Variants in UNC5B observed in about 807,000 individuals in gnomAD.
UNC5B encodes unc-5 netrin receptor B.
In UNC5B, 56 loss-of-function variants were observed where a neutral mutation model predicts 103.7. That is an observed-to-expected ratio of 0.54 (90% CI 0.44 to 0.67). The LOEUF (loss-of-function observed/expected upper bound fraction) is 0.67, where lower values mean the gene tolerates loss of function less well. UNC5B is among the 30% of genes least tolerant of loss of function. The pLI is 0.00. For missense variants in UNC5B, 1,194 were observed against 1,284.5 expected (o/e 0.93, Z 1.08); for synonymous variants, 577 against 542.0 (o/e 1.06, Z -0.90).
At chr10:71,221,187 C>T (rs1843445174) in intron 1 of UNC5B, among the ~76,000 whole-genome samples, 1 of 152,188 alleles carries the variant, frequency 6.6e-6, no homozygotes, top group Non-Finnish European at 1.5e-5. Flanking sequence ...CCTCTGGGAA[C>T]TCGGTCCCTT....
In UNC5B at chr10:71,292,338, C is replaced by T. The variant is rs1282160919; in HGVS notation, c.1685-129C>T. On this transcript the variant is annotated intron_variant, in intron 10 of 16. Transcript: ENST00000335350. ...CATCCAGTCCCCAGACCCTGTCTCCCACCCCTGGCTGGGGACTACCTGGAG... is the reference window on the plus strand; with the variant it reads ...CATCCAGTCCCCAGACCCTGTCTCCTACCCCTGGCTGGGGACTACCTGGAG... 16 of 755,726 alleles carry T rather than the reference C, an allele frequency of 2.1e-5. 1 individual carries two copies. Among genetic ancestry groups the T allele is most frequent in the Non-Finnish European group, 3.1e-5 (14 of 457,996 alleles). The allele number at this position is 755,726 out of a possible 1,614,324, so 46.8% of individuals were successfully genotyped here. A position where few individuals can be genotyped will look rare whatever the true frequency, so the allele number is the denominator to read the frequency against.
At chr10:71,240,684 G>A (rs560116135) in intron 1 of UNC5B, among the ~76,000 whole-genome samples, 1 of 152,224 alleles carries the variant, frequency 6.6e-6, no homozygotes, top group Non-Finnish European at 1.5e-5. Flanking sequence ...CCCCACTGTC[G>A]CTCCACTACT....
intron 2 of UNC5B, among the ~76,000 whole-genome samples, chr10:71,280,408 CA>C (rs1308326306): frequency 1.7e-4 from 26 of 152,330 alleles, no homozygotes; most frequent in African/African-American, 6.3e-4. Flanking sequence ...GAATTCAATG[CA>C]ATCGTTATTT....
intron 11 of UNC5B, 113 bp from the exon 12 acceptor site, chr10:71,293,292 G>T: frequency 8.0e-7 from 1 of 1,249,942 alleles, no homozygotes; most frequent in South Asian, 1.6e-5. Context: ...GCCCTGAGTG[G>T]CAAAGAGCTG....
At position 71,213,728 on chromosome 10, in the gene UNC5B, A is replaced by AGAGTGTGTGTGTGTGTGTGT. The variant is rs144371231; in HGVS notation, c.79+665_79+666insAGTGTGTGTGTGTGTGTGTG. On this transcript the variant is annotated intron_variant, in intron 1 of 16. Transcript: ENST00000335350. This position sits in a 1 kb window ranked among gnomAD's most constrained non-coding sequence, Gnocchi z 4.1. ...ATTATTAATTTTCTGAGTGTTGGAGAGTGTGTGTGTGTGTGTGTGTGTGTG... is the reference window on the plus strand; with the variant it reads ...ATTATTAATTTTCTGAGTGTTGGAGAGAGTGTGTGTGTGTGTGTGTGTGTGTGTGTGTGTGTGTGTGTGTG... 1.5e-5 allele frequency among the ~76,000 whole-genome samples: 2 copies of AGAGTGTGTGTGTGTGTGTGT among 131,474 alleles called. No homozygotes were observed. Among genetic ancestry groups the AGAGTGTGTGTGTGTGTGTGT allele is most frequent in the African/African-American group, 5.8e-5 (2 of 34,208 alleles). The allele number at this position is 131,474 out of a possible 152,430, so 86.3% of individuals were successfully genotyped here.
intron 13 of UNC5B, among the ~76,000 whole-genome samples, chr10:71,295,020 T>C (rs1296620093): frequency 6.6e-6 from 1 of 152,152 alleles, no homozygotes; most frequent in Non-Finnish European, 1.5e-5. Context: ...TTCCCATGGC[T>C]CCATGCACTT....
At chr10:71,256,990 A>G (rs997698952) in intron 1 of UNC5B, among the ~76,000 whole-genome samples, 6 of 152,190 alleles carry the variant, frequency 3.9e-5, no homozygotes, top group Non-Finnish European at 5.9e-5. Flanking sequence ...GACGACAGTC[A>G]TGGTCAGGGA....
chr10:71,293,606 T>G, intron 12 of UNC5B, 33 bp downstream of exon 12: 1 of 1,612,814 alleles, frequency 6.2e-7, no homozygotes, highest in Non-Finnish European at 8.5e-7. Context: ...GGCCCAGCTC[T>G]CCCAACCTGC....
chr10:71,281,356 T>C (rs79115964), intron 2 of UNC5B, among the ~76,000 whole-genome samples: 1 of 151,920 alleles, frequency 6.6e-6, no homozygotes, highest in East Asian at 1.9e-4. Flanking sequence ...TTTTTTTTTT[T>C]TGGAGACAGA....
chr10:71,293,266 C>T lies in UNC5B; in HGVS notation c.1773-139C>T, dbSNP rs187976882. 3 of 949,318 alleles carry T rather than the reference C, an allele frequency of 3.2e-6. No individual in the cohort carries two copies. In the Admixed American group the frequency reaches 8.9e-5, roughly 28 times the overall value. 58.8% of individuals were successfully genotyped at this position (949,318 alleles called of 1,614,324 possible). ...TTCTTTGCCTCCTTTGCCCCCATGA[C>T]CTCTGGGAATGCAGAGCCCTGAGTG... On this transcript the variant is annotated intron_variant, in intron 11 of 16. Transcript: ENST00000335350.
In UNC5B at chr10:71,218,864, G is replaced by A. The variant is rs2066212; in HGVS notation, c.79+5800G>A. 9.2e-3 allele frequency among the ~76,000 whole-genome samples: 1,397 copies of A among 152,348 alleles called. 21 individuals carry two copies. The highest frequency in any genetic ancestry group is 0.031 in the African/African-American group (1,285 of 41,566). The stretch of plus-strand genomic sequence containing the variant: ...AGAGCTTGAGTGGGTGGGATCCCCA[G>A]TGGAGAACCCCATCTCAGGCTGACG... On this transcript the variant is annotated intron_variant, in intron 1 of 16. Coordinates refer to ENST00000335350, the MANE Select transcript of UNC5B (RefSeq NM_170744.5).
At chr10:71,265,991 G>A (rs1844515262) in intron 1 of UNC5B, among the ~76,000 whole-genome samples, 1 of 152,150 alleles carries the variant, frequency 6.6e-6, no homozygotes, top group Admixed American at 6.5e-5. Context: ...CAGGAGCTAA[G>A]ACTAGGGCCC....
chr10:71,287,318 TC>T lies in UNC5B; in HGVS notation c.734-277del, dbSNP rs549121780. Among the ~76,000 whole-genome samples, 524 of 152,252 alleles carry T rather than the reference TC, an allele frequency of 3.4e-3. 7 individuals carry two copies. Among genetic ancestry groups the T allele is most frequent in the African/African-American group, 0.012 (505 of 41,548 alleles). On this transcript the variant is annotated intron_variant, in intron 5 of 16. Transcript: ENST00000335350. ...GCAGGCAGTCCCAGGCCCCCATCAC[TC>T]CCAGGGTGACCCTGGGGAAGTGGCA...
chr10:71,276,886 G>GAC (rs34678649), intron 1 of UNC5B, among the ~76,000 whole-genome samples: 119,576 of 151,974 alleles, frequency 0.79, 48,392 homozygotes, highest in Non-Finnish European at 0.88. Flanking sequence ...AGGGTATAGG[G>GAC]ACAGCAAGAG....
intron 3 of UNC5B, 131 bp from the exon 4 acceptor site, chr10:71,285,195 C>G (rs1845039528): frequency 1.0e-6 from 1 of 998,828 alleles, no homozygotes; most frequent in Admixed American, 2.1e-5. Context: ...AGGAAATTTC[C>G]CAGGCAAAGG....
intron 1 of UNC5B, among the ~76,000 whole-genome samples, chr10:71,230,672 C>G (rs1467179695): frequency 2.0e-5 from 3 of 152,252 alleles, no homozygotes; most frequent in Admixed American, 1.3e-4. Flanking sequence ...CCAGCCTTCC[C>G]CATAAGGGAA....
Position 71,295,944 on chromosome 10 carries a change from T to G in UNC5B, c.2309T>G (p.Leu770Arg). 6.2e-7 allele frequency: 1 copy of G among 1,613,054 alleles called. No homozygotes were observed. The highest frequency in any genetic ancestry group is 2.2e-5 in the East Asian group (1 of 44,886). ...CCCCATGCCCATTGGAGGAGCAAGC[T>G]GCTGGCCAAATACCAGGTGAGGGCT... ...DLPHAHWRSK[L>R]LAKYQEIPFY... The change falls in exon 14 of 17, where the codon CTG becomes CGG. Residue 770 changes from leucine (L) to arginine (R), a missense_variant. By Grantham distance (102) the Leu-to-Arg change is moderately radical. Transcript: ENST00000335350.
intron 15 of UNC5B, 75 bp from the exon 16 acceptor site, chr10:71,297,834 A>C: frequency 1.4e-6 from 2 of 1,471,860 alleles, no homozygotes; most frequent in Non-Finnish European, 1.8e-6. Flanking sequence ...ATGAGCTCAC[A>C]GTCCAAGGGG....
rs150713706 is a variant in UNC5B at position 71,263,809 on chromosome 10, G to A, written c.80-16012G>A. ...CAGGGGCTGGGCTAGCCAACACCAA[G>A]CCAGTCCTTGAGCCACAGGGGTGCC... On this transcript the variant is annotated intron_variant, in intron 1 of 16. Coordinates refer to ENST00000335350, the MANE Select transcript of UNC5B (RefSeq NM_170744.5). Among the ~76,000 whole-genome samples the A allele has an allele frequency of 8.2e-3, 1,256 of 152,268 alleles. 24 individuals carry two copies. Among genetic ancestry groups the A allele is most frequent in the Middle Eastern group, 0.02 (6 of 294 alleles).
Sources: gnomAD v4.1 joint callset for allele counts (sites outside exome capture counted in the v4.1 genomes callset) on GRCh38, gnomAD v4.1.1 for gene constraint, Gnocchi (gnomAD v3.1) non-coding constraint, MANE v1.5 for transcripts, NCBI Gene and HGNC (gene_info 2026-07-23, HGNC 2026-07-21) for gene names.